The following CRACD variants were observed in gnomAD, a reference collection of about 807,000 sequenced individuals.
The protein encoded by CRACD is capping protein-inhibiting regulator of actin dynamics.
Under a neutral mutation model 106.8 loss-of-function variants are expected in CRACD, and 56 were observed. The observed-to-expected ratio is 0.52, with a 90% CI of 0.42 to 0.66. The LOEUF is 0.66. CRACD is among the 30% of genes least tolerant of loss of function. CRACD has a pLI of 0.00. For missense variants in CRACD, 1,730 were observed against 1,623.2 expected, an observed-to-expected ratio of 1.07 and a Z score of -1.13; for synonymous variants, 754 against 670.8, an observed-to-expected ratio of 1.12 and a Z score of -1.92.
chr4:56,143,583 TCA>T (rs1735278606), intron 1 of CRACD, among the ~76,000 whole-genome samples: 1 of 152,158 alleles, frequency 6.6e-6, no homozygotes, highest in Admixed American at 6.5e-5. Flanking sequence ...ATGTTCATGA[TCA>T]TTTATCAAAA....
At chr4:56,202,778 G>A (rs901914003) in intron 2 of CRACD, among the ~76,000 whole-genome samples, 3 of 152,104 alleles carry the variant, frequency 2.0e-5, no homozygotes, top group South Asian at 4.2e-4. Context: ...TCTAATAAAA[G>A]TATTTTATGA....
At chr4:56,318,045 T>A (rs1190786925) in intron 8 of CRACD, among the ~76,000 whole-genome samples, 2 of 152,222 alleles carry the variant, frequency 1.3e-5, no homozygotes, top group Non-Finnish European at 2.9e-5. Context: ...TTCTCCTTTG[T>A]TCAAGTATTT....
chr4:56,083,812 C>CA (rs374067247), intron 1 of CRACD, among the ~76,000 whole-genome samples: 2 of 151,842 alleles, frequency 1.3e-5, no homozygotes, highest in Non-Finnish European at 2.9e-5. Flanking sequence ...CCCATCTCTA[C>CA]AAAAAACAGA....
chr4:56,278,368 A>G (rs13121599), intron 3 of CRACD, among the ~76,000 whole-genome samples: 37,926 of 152,136 alleles, frequency 0.25, 5,272 homozygotes, highest in South Asian at 0.41. Flanking sequence ...TTTGTGGTCA[A>G]TTGATTTTCA....
chr4:56,290,924 T>G (rs115084354), intron 3 of CRACD, among the ~76,000 whole-genome samples: 1,616 of 152,316 alleles, frequency 0.011, 28 homozygotes, highest in African/African-American at 0.037. Flanking sequence ...ACTTCCCAAG[T>G]GGGCCTTTCT....
intron 2 of CRACD, among the ~76,000 whole-genome samples, chr4:56,240,990 T>C (rs1740336692): frequency 6.6e-6 from 1 of 152,206 alleles, no homozygotes; most frequent in Non-Finnish European, 1.5e-5. Flanking sequence ...GGGCCTGCAT[T>C]ACAGTGGCTG....
Position 56,250,294 on chromosome 4 carries a change from C to T in CRACD, c.-188-22027C>T, listed in dbSNP as rs1740976446. On this transcript the variant is annotated intron_variant, in intron 2 of 10. Transcript: ENST00000682029. ...AATTTCTTTTTTTCTCTTGTTCCAT[C>T]ACTGGTATCTAATAAAACATTTCTT... Among the ~76,000 whole-genome samples, 3 of 152,104 alleles carry T rather than the reference C, an allele frequency of 2.0e-5. No individual in the cohort carries two copies. In the East Asian group the frequency reaches 5.8e-4, roughly 29 times the overall value.
intron 7 of CRACD, 74 bp downstream of exon 7, chr4:56,313,453 C>A: frequency 7.2e-7 from 1 of 1,379,848 alleles, no homozygotes; most frequent in Non-Finnish European, 1.0e-6. Context: ...AGTGGGTTGG[C>A]ATTGGGGTGG....
At chr4:56,269,818 C>T (rs1346565541) in intron 2 of CRACD, among the ~76,000 whole-genome samples, 4 of 151,966 alleles carry the variant, frequency 2.6e-5, no homozygotes, top group East Asian at 1.9e-4. Context: ...ATGAGGGATC[C>T]GCCCCCATGA....
At position 56,316,182 on chromosome 4, in the gene CRACD, G is replaced by A. The variant is rs1453734816; in HGVS notation, c.2680G>A (p.Glu894Lys). ...AGCGGGGAGCGCTCGTGGAGAGAAAGAGATGGAGGGTGTGGCCCTCAAGCA... is the reference window on the plus strand; with the variant it reads ...AGCGGGGAGCGCTCGTGGAGAGAAAAAGATGGAGGGTGTGGCCCTCAAGCA... ...PAAGSARGEK[E>K]MEGVALKHGP... Residue 894 changes from glutamate to lysine, a missense_variant, in exon 8 of 11, where the codon GAG (glutamate) becomes AAG (lysine). Glu to Lys is a moderately conservative substitution (Grantham distance 56). This residue lies in a region of CRACD where 1,620 missense variants were observed against 1,481.6 expected (regional missense o/e 1.09). Coordinates refer to ENST00000682029, the MANE Select transcript of CRACD (RefSeq NM_001393381.1). 6.2e-6 allele frequency: 10 copies of A among 1,614,042 alleles called. No homozygotes were observed. In the East Asian group the frequency reaches 2.0e-4, roughly 32 times the overall value.
rs930751732 is a variant in CRACD, at chr4:56,091,559, T to C, written c.-336+42260T>C. Among the ~76,000 whole-genome samples the C allele has an allele frequency of 1.7e-4, 26 of 152,114 alleles. 1 individual carries two copies. The highest frequency in any genetic ancestry group is 1.4e-3 in the Admixed American group (22 of 15,278). On this transcript the variant is annotated intron_variant, in intron 1 of 10. Coordinates refer to ENST00000682029, the MANE Select transcript of CRACD (RefSeq NM_001393381.1). Reference sequence around the variant, plus strand: ...TCTTTAGAATCAACTCATTTGTTCATATTGAAAGCCTGCTATGTTTCAGGG... The same window carrying C: ...TCTTTAGAATCAACTCATTTGTTCACATTGAAAGCCTGCTATGTTTCAGGG...
intron 2 of CRACD, among the ~76,000 whole-genome samples, chr4:56,228,047 A>G (rs1261028730): frequency 6.6e-6 from 1 of 152,076 alleles, no homozygotes; most frequent in Admixed American, 6.5e-5. Context: ...TGTATACCCA[A>G]TTTCAGGTCC....
At chr4:56,175,056 C>G (rs1560472181) in intron 1 of CRACD, among the ~76,000 whole-genome samples, 1 of 152,174 alleles carries the variant, frequency 6.6e-6, no homozygotes. Context: ...CCAGTCACCT[C>G]TCACCAGGCC....
At chr4:56,171,932 T>C (rs1333946755) in intron 1 of CRACD, among the ~76,000 whole-genome samples, 1 of 151,236 alleles carries the variant, frequency 6.6e-6, no homozygotes, top group Non-Finnish European at 1.5e-5. Context: ...AGAAGTTCTG[T>C]TGGGGAAGAG....
chr4:56,051,193 T>C (rs367944807), intron 1 of CRACD, among the ~76,000 whole-genome samples: 9 of 152,292 alleles, frequency 5.9e-5, no homozygotes, highest in African/African-American at 2.2e-4. Context: ...TATGTAGTCA[T>C]GGAAAGAAAG....
intron 2 of CRACD, among the ~76,000 whole-genome samples, chr4:56,267,999 G>A (rs961689784): frequency 6.6e-6 from 1 of 152,180 alleles, no homozygotes; most frequent in East Asian, 1.9e-4. Flanking sequence ...TGTGTATTCA[G>A]CTCCTTCCAG....
chr4:56,195,034 G>T (rs1479222185), intron 2 of CRACD, among the ~76,000 whole-genome samples: 1 of 152,120 alleles, frequency 6.6e-6, no homozygotes, highest in African/African-American at 2.4e-5. Flanking sequence ...TTTTTGTAAT[G>T]TTAATAGAAA....
At chr4:56,285,797 G>C (rs999060598) in intron 3 of CRACD, among the ~76,000 whole-genome samples, 2 of 152,128 alleles carry the variant, frequency 1.3e-5, no homozygotes, top group Admixed American at 1.3e-4. Flanking sequence ...GCCCTGTGAG[G>C]TAGGTCCTAT....
rs150825655 is a variant in CRACD at position 56,298,454 on chromosome 4, C to T, written c.120+105C>T. On this transcript the variant is annotated intron_variant, in intron 4 of 10. Transcript: ENST00000682029. ...GCCTTGAGTAATGGATTGGGAGGTC[C>T]AGAGGTCACTCCTGGTGAGAATTAT... 1.1e-4 allele frequency: 143 copies of T among 1,340,978 alleles called. No individual in the cohort carries two copies. The African/African-American group carries it at 2.0e-3, about 18-fold the overall frequency. 83.1% of individuals were successfully genotyped at this position (1,340,978 alleles called of 1,614,324 possible).
Sources: allele counts gnomAD v4.1 joint callset (sites outside exome capture counted in the v4.1 genomes callset), GRCh38; gene constraint gnomAD v4.1.1; regional missense constraint gnomAD v4.1.1; transcripts MANE v1.5; gene names NCBI Gene and HGNC (gene_info 2026-07-23, HGNC 2026-07-21).